The following PCDHGA1 variants were observed in gnomAD, a reference collection of about 807,000 sequenced individuals.
PCDHGA1 encodes the protein protocadherin gamma subfamily A, 1.
Under a neutral mutation model 58.0 loss-of-function variants are expected in PCDHGA1, and 32 were observed. The ratio of observed to expected loss-of-function variants is 0.55; its 90% CI spans 0.42 to 0.74. PCDHGA1 has a LOEUF of 0.74. PCDHGA1 is among the 30% of genes least tolerant of loss of function. The pLI is 0.00. For synonymous variants in PCDHGA1, 498 were observed against 501.1 expected (o/e 0.99, Z 0.08); for missense variants, 1,205 against 1,182.3 (o/e 1.02, Z -0.28).
intron 1 of PCDHGA1, chr5:141,394,156 AC>A (rs2092929687): frequency 6.2e-7 from 1 of 1,613,556 alleles, no homozygotes; most frequent in Admixed American, 1.7e-5. Flanking sequence ...ATTAACGACA[AC>A]CCTCCTACTT....
chr5:141,390,583 AATGAG>A (rs1352765004), intron 1 of PCDHGA1: 1 of 348,204 alleles, frequency 2.9e-6, no homozygotes, highest in Non-Finnish European at 5.2e-6. Context: ...CTAAAAAGTG[AATGAG>A]ATTTTTCCTA....
At chr5:141,340,517 G>A (rs1306094662) in intron 1 of PCDHGA1, 2 of 1,614,236 alleles carry the variant, frequency 1.2e-6, no homozygotes, top group Non-Finnish European at 1.7e-6. Context: ...AGTACTCTAT[G>A]CACTGCGCTC....
At position 141,476,015 on chromosome 5, in the gene PCDHGA1, C is replaced by A; in HGVS notation, c.2422-18792C>A. The A allele has an allele frequency of 7.4e-7, 1 of 1,344,728 alleles. No individual in the cohort carries two copies. The highest frequency in any genetic ancestry group is 1.0e-6 in the Non-Finnish European group (1 of 992,700). The allele number at this position is 1,344,728 out of a possible 1,614,324, so 83.3% of individuals were successfully genotyped here. A position where few individuals can be genotyped will look rare whatever the true frequency, so the allele number is the denominator to read the frequency against. ...ATCAACGGCATCCAGAAAGCCATGT[C>A]GGACTCGGCGCCCAGCGCCCAAGCG... On this transcript the variant is annotated intron_variant, in intron 1 of 3. Coordinates refer to ENST00000517417, the MANE Select transcript of PCDHGA1 (RefSeq NM_018912.3). This position sits in a 1 kb window ranked among gnomAD's most constrained non-coding sequence, Gnocchi z 7.6.
intron 1 of PCDHGA1, chr5:141,372,047 G>C (rs1768347911): frequency 1.2e-6 from 2 of 1,613,408 alleles, no homozygotes; most frequent in Non-Finnish European, 1.7e-6. Context: ...TGCGCGTGTT[G>C]GTGGACGACC....
At chr5:141,399,217 T>G in intron 1 of PCDHGA1, 2 of 1,613,972 alleles carry the variant, frequency 1.2e-6, no homozygotes, top group Non-Finnish European at 1.7e-6. Flanking sequence ...ACTAATTGCT[T>G]TGATCAAAAT....
intron 1 of PCDHGA1, chr5:141,339,976 C>G: frequency 1.2e-6 from 2 of 1,614,104 alleles, no homozygotes; most frequent in Non-Finnish European, 1.7e-6. Flanking sequence ...AGGTTATCGT[C>G]ACGGTTCTGG....
At position 141,403,597 on chromosome 5, in the gene PCDHGA1, G is replaced by T. The variant is rs772486529; in HGVS notation, c.2421+70492G>T. On this transcript the variant is annotated intron_variant, in intron 1 of 3. Transcript: ENST00000517417. ...CCCACCACCTGGTCCTCACGGCCTC[G>T]GATGGCGGCGAGCCGCGTCGCTCCA... The T allele has an allele frequency of 1.3e-5, 21 of 1,613,692 alleles. No individual in the cohort carries two copies. The African/African-American group carries it at 2.5e-4, about 19-fold the overall frequency.
At chr5:141,358,657 A>T (rs1423903378) in intron 1 of PCDHGA1, among the ~76,000 whole-genome samples, 2 of 152,232 alleles carry the variant, frequency 1.3e-5, no homozygotes, top group South Asian at 2.1e-4. Context: ...TCTAGGAGTA[A>T]CTTTAATAAT....
At chr5:141,453,206 T>G (rs914064627) in intron 1 of PCDHGA1, among the ~76,000 whole-genome samples, 8 of 152,102 alleles carry the variant, frequency 5.3e-5, no homozygotes, top group African/African-American at 1.9e-4. Context: ...CTCAACCTCG[T>G]GCACTTAAGC....
rs201139834 is a variant in PCDHGA1 at position 141,371,333 on chromosome 5, T to G, written c.2421+38228T>G. ...GAGAACTGGACTTTGAAGAGAGAGA[T>G]AGCTACACAATTGGGGTGGAAGCAA... On this transcript the variant is annotated intron_variant, in intron 1 of 3. Transcript: ENST00000517417. 80 of 1,613,850 alleles carry G rather than the reference T, an allele frequency of 5.0e-5. No homozygotes were observed. The East Asian group carries it at 1.7e-3, about 34-fold the overall frequency.
Position 141,476,376 on chromosome 5 carries a change from T to C in PCDHGA1, c.2422-18431T>C. ...GTGAACCGGGAGACCGGAGAGATGT[T>C]TGTGAACGACCGTCTGGATCGAGAG... On this transcript the variant is annotated intron_variant, in intron 1 of 3. Coordinates refer to ENST00000517417, the MANE Select transcript of PCDHGA1 (RefSeq NM_018912.3). The surrounding 1 kb of genome is among the most constrained non-coding windows in gnomAD (Gnocchi z 7.6). The C allele has an allele frequency of 6.2e-7, 1 of 1,614,060 alleles. No homozygotes were observed. Among genetic ancestry groups the C allele is most frequent in the Non-Finnish European group, 8.5e-7 (1 of 1,180,004 alleles).
At chr5:141,437,878 C>A (rs1047761465) in intron 1 of PCDHGA1, among the ~76,000 whole-genome samples, 13 of 151,996 alleles carry the variant, frequency 8.6e-5, no homozygotes, top group Non-Finnish European at 1.5e-4. Flanking sequence ...GCTGGGACTA[C>A]AGGCACACGC....
intron 1 of PCDHGA1, among the ~76,000 whole-genome samples, chr5:141,401,533 CA>C: frequency 6.6e-6 from 1 of 151,790 alleles, no homozygotes; most frequent in East Asian, 1.9e-4. Flanking sequence ...AAGAAACTTA[CA>C]AAAAAAAGGA....
At chr5:141,472,980 C>CAAAAAA (rs60579131) in intron 1 of PCDHGA1, among the ~76,000 whole-genome samples, 7 of 86,100 alleles carry the variant, frequency 8.1e-5, no homozygotes, top group South Asian at 4.3e-4. Context: ...GAGTGAAACT[C>CAAAAAA]AAAAAAAAAA....
intron 1 of PCDHGA1, chr5:141,360,585 A>G: frequency 1.2e-6 from 2 of 1,614,006 alleles, no homozygotes; most frequent in Non-Finnish European, 8.5e-7. Context: ...AGCCAGGTAC[A>G]ACATTTCCAC....
chr5:141,400,102 G>A (rs376189143), intron 1 of PCDHGA1: 2 of 1,614,084 alleles, frequency 1.2e-6, no homozygotes, highest in Non-Finnish European at 1.7e-6. Context: ...GCTGCACTTG[G>A]TCTTTGCTGA....
chr5:141,426,614 G>T (rs1468159807), intron 1 of PCDHGA1: 25 of 385,508 alleles, frequency 6.5e-5, no homozygotes, highest in Non-Finnish European at 1.3e-4. Context: ...TTGTAGCAGA[G>T]AATCCTCTAA....
intron 1 of PCDHGA1, chr5:141,377,269 TG>T (rs1449007533): frequency 2.1e-5 from 3 of 142,478 alleles, no homozygotes; most frequent in Non-Finnish European, 4.5e-5. Context: ...TTTTCTAATG[TG>T]GGAAAAAAAA....
Position 141,432,295 on chromosome 5 carries a change from G to A in PCDHGA1, c.2422-62512G>A. 6.2e-7 allele frequency: 1 copy of A among 1,614,222 alleles called. No individual in the cohort carries two copies. The highest frequency in any genetic ancestry group is 8.5e-7 in the Non-Finnish European group (1 of 1,180,034). ...ACGTGTCCATCAACTCCGACACTGG[G>A]GTACTGTATGCGCTGAGCTCCTTCG... is the stretch of plus-strand genomic sequence containing the variant. On this transcript the variant is annotated intron_variant, in intron 1 of 3. Coordinates refer to ENST00000517417, the MANE Select transcript of PCDHGA1 (RefSeq NM_018912.3). This position sits in a 1 kb window ranked among gnomAD's most constrained non-coding sequence, Gnocchi z 6.0.
Sources: allele counts gnomAD v4.1 joint callset (sites outside exome capture counted in the v4.1 genomes callset), GRCh38; gene constraint gnomAD v4.1.1; non-coding constraint Gnocchi (gnomAD v3.1); transcripts MANE v1.5; gene names NCBI Gene and HGNC (gene_info 2026-07-23, HGNC 2026-07-21).